The following CDH18 variants were observed in gnomAD, a reference collection of about 807,000 sequenced individuals.
CDH18 encodes cadherin 18.
A neutral mutation model predicts 67.9 loss-of-function variants in CDH18; 31 were observed. The ratio of observed to expected loss-of-function variants is 0.46; its 90% CI spans 0.34 to 0.62. The LOEUF (loss-of-function observed/expected upper bound fraction) is 0.62. Among genes scored for constraint, CDH18 ranks in the 20% least tolerant of loss-of-function variants. CDH18 has a pLI of 0.01. For missense variants in CDH18, 890 were observed against 975.5 expected, an observed-to-expected ratio of 0.91 and a Z score of 1.17; for synonymous variants, 362 against 347.2, an observed-to-expected ratio of 1.04 and a Z score of -0.48.
chr5:20,131,191 GC>G (rs1749241051), intron 2 of CDH18, among the ~76,000 whole-genome samples: 1 of 151,824 alleles, frequency 6.6e-6, no homozygotes, highest in Admixed American at 6.6e-5. Context: ...GTTTTGGGCT[GC>G]TTTTTTGAGA....
chr5:20,046,234 T>A (rs1416990765), intron 2 of CDH18, among the ~76,000 whole-genome samples: 2 of 151,926 alleles, frequency 1.3e-5, no homozygotes, highest in Admixed American at 1.3e-4. Flanking sequence ...ATATGAGGGA[T>A]GAAAGAAGTA....
At chr5:19,822,746 T>C (rs1470706770) in intron 3 of CDH18, among the ~76,000 whole-genome samples, 1 of 152,096 alleles carries the variant, frequency 6.6e-6, no homozygotes, top group African/African-American at 2.4e-5. Context: ...GGGGCGAAAT[T>C]AAAATTGGTA....
chr5:19,819,494 C>T (rs1339805775), intron 3 of CDH18, among the ~76,000 whole-genome samples: 1 of 152,104 alleles, frequency 6.6e-6, no homozygotes, highest in African/African-American at 2.4e-5. Context: ...GCTAGGAAGC[C>T]TATATGGAGT....
chr5:19,607,290 T>G (rs1040379881), intron 6 of CDH18, among the ~76,000 whole-genome samples: 1 of 151,382 alleles, frequency 6.6e-6, no homozygotes, highest in Middle Eastern at 4.6e-3. Context: ...AAATAATGAT[T>G]TGCTATTTAA....
At position 19,502,891 on chromosome 5, in the gene CDH18, T is replaced by C. The variant is rs754235134; in HGVS notation, c.1630+101A>G. 1.1e-5 allele frequency: 9 copies of C among 790,582 alleles called. 1 individual carries two copies. The highest frequency in any genetic ancestry group is 6.8e-5 in the South Asian group (5 of 73,852). The allele number at this position is 790,582 out of a possible 1,614,324, so 49.0% of individuals were successfully genotyped here. On this transcript the variant is annotated intron_variant, in intron 11 of 12. Transcript: ENST00000382275. ...GTAGCATCAAACTGACTTTGAATGC[T>C]GATTTGCAAGATGTTTGTGTGTATA...
At chr5:19,992,809 G>A (rs996844635), upstream of CDH18, among the ~76,000 whole-genome samples, 4 of 151,818 alleles carry the variant, frequency 2.6e-5, no homozygotes, top group Non-Finnish European at 2.9e-5. Context: ...TCATGATTTC[G>A]TTATAGCCCA....
upstream of CDH18, among the ~76,000 whole-genome samples, chr5:19,989,934 A>G (rs2150383152): frequency 6.6e-6 from 1 of 152,344 alleles, no homozygotes; most frequent in East Asian, 1.9e-4. Flanking sequence ...CAAAATTTAA[A>G]CTTTTAGAAA....
chr5:20,121,375 T>G (rs918447746), intron 2 of CDH18, among the ~76,000 whole-genome samples: 2 of 152,192 alleles, frequency 1.3e-5, no homozygotes, highest in Non-Finnish European at 2.9e-5. Context: ...TTTTCCAGTT[T>G]AAAATGTGTA....
chr5:19,601,747 C>G (rs548615817), intron 6 of CDH18, among the ~76,000 whole-genome samples: 1 of 151,870 alleles, frequency 6.6e-6, no homozygotes, highest in Admixed American at 6.6e-5. Flanking sequence ...AAGGAATGTA[C>G]ACCATGAGCA....
At chr5:19,811,184 A>C (rs910761024) in intron 3 of CDH18, among the ~76,000 whole-genome samples, 1 of 150,224 alleles carries the variant, frequency 6.7e-6, no homozygotes, top group South Asian at 2.1e-4. Context: ...GAGAAGAAAG[A>C]GGGAGAGAAA....
chr5:20,405,442 T>G (rs1746157857), intron 1 of CDH18, among the ~76,000 whole-genome samples: 1 of 152,104 alleles, frequency 6.6e-6, no homozygotes, highest in African/African-American at 2.4e-5. Flanking sequence ...TAATTCAAGA[T>G]GGATTAAAAA....
Position 19,747,128 on chromosome 5 carries a change from T to C in CDH18, c.337A>G (p.Thr113Ala), listed in dbSNP as rs774509397. Reference protein sequence around the residue: ...IDDTTGDIHSTKSLDREQKTH... With the variant: ...IDDTTGDIHSAKSLDREQKTH... Reference sequence around the variant, plus strand: ...TTCTGCTCTCTGTCTAGGCTTTTTGTTGAGTGGATATCACCCGTGGTATCG... The same window carrying C: ...TTCTGCTCTCTGTCTAGGCTTTTTGCTGAGTGGATATCACCCGTGGTATCG... The change falls in exon 4 of 13, where the codon ACA becomes GCA. Residue 113 changes from threonine to alanine, a missense_variant. Coordinates refer to ENST00000382275, the MANE Select transcript of CDH18 (RefSeq NM_004934.5). 17 of 1,614,148 alleles carry C rather than the reference T, an allele frequency of 1.1e-5. No homozygotes were observed. The South Asian group carries it at 1.6e-4, about 16-fold the overall frequency.
intron 2 of CDH18, among the ~76,000 whole-genome samples, chr5:20,172,889 C>T (rs1736943197): frequency 6.6e-6 from 1 of 151,606 alleles, no homozygotes; most frequent in Non-Finnish European, 1.5e-5. Flanking sequence ...ACTCAGGAGG[C>T]TGAGACAGGA....
chr5:20,477,543 C>CA (rs1752522794), intron 1 of CDH18, among the ~76,000 whole-genome samples: 1 of 152,182 alleles, frequency 6.6e-6, no homozygotes, highest in South Asian at 2.1e-4. Flanking sequence ...CAAAAAGCAG[C>CA]ATGGGGCAGA....
At chr5:19,563,792 A>G (rs574208134) in intron 8 of CDH18, among the ~76,000 whole-genome samples, 1 of 152,296 alleles carries the variant, frequency 6.6e-6, no homozygotes, top group East Asian at 1.9e-4. Flanking sequence ...CTTGGTATTA[A>G]CACTATATTA....
At chr5:20,525,381 G>A (rs1755986485) in intron 1 of CDH18, among the ~76,000 whole-genome samples, 1 of 152,028 alleles carries the variant, frequency 6.6e-6, no homozygotes, top group Non-Finnish European at 1.5e-5. Flanking sequence ...CTGTGGATCT[G>A]TCCACATAGG....
At chr5:19,510,897 C>G (rs565912960) in intron 10 of CDH18, among the ~76,000 whole-genome samples, 1 of 151,590 alleles carries the variant, frequency 6.6e-6, no homozygotes, top group African/African-American at 2.4e-5. Flanking sequence ...CTACAACTTA[C>G]GCCTCCTGGG....
At chr5:20,267,678 CCTT>C (rs1745142097) in intron 1 of CDH18, among the ~76,000 whole-genome samples, 2 of 152,106 alleles carry the variant, frequency 1.3e-5, no homozygotes, top group African/African-American at 4.8e-5. Context: ...AAAGGGATCA[CCTT>C]CTTGATTTCC....
chr5:20,456,747 A>G (rs1581034260), intron 1 of CDH18, among the ~76,000 whole-genome samples: 1 of 152,174 alleles, frequency 6.6e-6, no homozygotes, highest in Non-Finnish European at 1.5e-5. Context: ...TTTTAATGTA[A>G]TAGTACATAT....
Sources: gnomAD v4.1 joint callset for allele counts (sites outside exome capture counted in the v4.1 genomes callset) on GRCh38, gnomAD v4.1.1 for gene constraint, MANE v1.5 for transcripts, NCBI Gene and HGNC (gene_info 2026-07-23, HGNC 2026-07-21) for gene names.